Variants in PELO observed in about 807,000 individuals in gnomAD.
PELO encodes pelota mRNA surveillance and ribosome rescue factor.
In PELO, 19 loss-of-function variants were observed where a neutral mutation model predicts 25.9. The observed-to-expected ratio is 0.73, with a 90% confidence interval of 0.51 to 1.08. The LOEUF is 1.08. PELO is among the 50% of genes least tolerant of loss of function. The pLI is 0.00. For synonymous variants in PELO, 196 were observed against 192.2 expected (o/e 1.02, Z -0.16); for missense variants, 498 against 491.4 (o/e 1.01, Z -0.13).
chr5:52,795,321 A>G (rs769741226), intron 1 of PELO, among the ~76,000 whole-genome samples: 4 of 151,866 alleles, frequency 2.6e-5, no homozygotes, highest in Admixed American at 6.6e-5. Context: ...AAGGAATAAC[A>G]AAAAGATTAG....
At chr5:52,790,262 G>A (rs1748213001) in intron 1 of PELO, among the ~76,000 whole-genome samples, 1 of 152,080 alleles carries the variant, frequency 6.6e-6, no homozygotes. Context: ...AAAAATCTTT[G>A]GTGGTTCTTT....
At chr5:52,791,316 G>A (rs2111639941) in intron 1 of PELO, among the ~76,000 whole-genome samples, 1 of 152,268 alleles carries the variant, frequency 6.6e-6, no homozygotes, top group Admixed American at 6.6e-5. Flanking sequence ...GAAGCAAGGT[G>A]AGAAGAAAAA....
chr5:52,798,218 C>A (rs1748382835), intron 1 of PELO, among the ~76,000 whole-genome samples: 5 of 152,070 alleles, frequency 3.3e-5, no homozygotes, highest in Admixed American at 1.3e-4. Context: ...TGGAAGAAGG[C>A]AATGTGAATT....
At chr5:52,788,479 A>G (rs1580015700) in intron 1 of PELO, 65 bp downstream of exon 1, 1 of 1,313,740 alleles carries the variant, frequency 7.6e-7, no homozygotes, top group Middle Eastern at 1.9e-4. Flanking sequence ...GCGGGGAGGG[A>G]GGTCCTCAGA....
In PELO at chr5:52,802,899, T is replaced by C. The variant is rs1307462772; in HGVS notation, c.*1059T>C. The C allele has an allele frequency of 6.6e-6, 1 of 152,202 alleles. No homozygotes were observed. Among genetic ancestry groups the C allele is most frequent in the Non-Finnish European group, 1.5e-5 (1 of 68,034 alleles). The allele number at this position is 152,202 out of a possible 1,614,324, so 9.4% of individuals were successfully genotyped here. A position where few individuals can be genotyped will look rare whatever the true frequency, so the allele number is the denominator to read the frequency against. ...AAACTCTGATACTCTTTACTATAAT[T>C]ATGGAATTGTGCAAATACCTCTGAG... On this transcript the variant is annotated 3_prime_UTR_variant, in exon 3 of 3. Coordinates refer to ENST00000274311, the MANE Select transcript of PELO (RefSeq NM_015946.5).
chr5:52,793,672 C>T (rs768754424), intron 1 of PELO, among the ~76,000 whole-genome samples: 1 of 151,976 alleles, frequency 6.6e-6, no homozygotes, highest in African/African-American at 2.4e-5. Context: ...ATGTGAACCC[C>T]ATCTAGATAC....
chr5:52,792,483 A>C (rs1033411133), intron 1 of PELO, among the ~76,000 whole-genome samples: 6 of 152,146 alleles, frequency 3.9e-5, no homozygotes, highest in Non-Finnish European at 7.4e-5. Context: ...ATACTAGTTT[A>C]ACTATTTCTC....
chr5:52,801,427 C>A lies in PELO; in HGVS notation c.745C>A (p.His249Asn). 1 of 1,612,868 alleles carries A rather than the reference C, an allele frequency of 6.2e-7. No homozygotes were observed. The highest frequency in any genetic ancestry group is 1.1e-5 in the South Asian group (1 of 91,046). ...ATTCTAGGTACATGCCTCCTCCGGACACAAGTACTCCCTGAAAGAGGCCCT... is the reference window on the plus strand; with the variant it reads ...ATTCTAGGTACATGCCTCCTCCGGAAACAAGTACTCCCTGAAAGAGGCCCT... ...KFLQVHASSG[H>N]KYSLKEALCD... Residue 249 changes from histidine (H) to asparagine (N), a missense_variant, in exon 3 of 3, where the codon CAC becomes AAC. His to Asn is a moderately conservative substitution (Grantham distance 68). Coordinates refer to ENST00000274311, the MANE Select transcript of PELO (RefSeq NM_015946.5).
intron 1 of PELO, among the ~76,000 whole-genome samples, chr5:52,797,275 A>T (rs574300887): frequency 1.3e-5 from 2 of 152,082 alleles, no homozygotes; most frequent in African/African-American, 4.8e-5. Flanking sequence ...AGGCACACTG[A>T]TATTTTTTAA....
rs377445922 is a variant in PELO at position 52,795,669 on chromosome 5, T to A, written c.-510-4216T>A. 3.5e-4 allele frequency among the ~76,000 whole-genome samples: 53 copies of A among 152,062 alleles called. No individual in the cohort carries two copies. In the South Asian group the frequency reaches 0.01, roughly 29 times the overall value. ...TTATTTTTCCAAGGCTGAATAATTA[T>A]GATCATGTTAAAATGAGCTCTTGTC... On this transcript the variant is annotated intron_variant, in intron 1 of 2. Transcript: ENST00000274311.
Position 52,801,924 on chromosome 5 carries a change from C to A in PELO, c.*84C>A. The A allele has an allele frequency of 9.7e-7, 1 of 1,033,030 alleles. No homozygotes were observed. Among genetic ancestry groups the A allele is most frequent in the Non-Finnish European group, 1.4e-6 (1 of 722,880 alleles). 64.0% of individuals were successfully genotyped at this position (1,033,030 alleles called of 1,614,324 possible). A position where few individuals can be genotyped will look rare whatever the true frequency, so the allele number is the denominator to read the frequency against. On this transcript the variant is annotated 3_prime_UTR_variant, in exon 3 of 3. Transcript: ENST00000274311. ...TCAGCATCCTTGTGACAGAAAGCTG[C>A]AAGAATGGCACTTTTTGATTCATAC... is the stretch of plus-strand genomic sequence containing the variant.
intron 1 of PELO, 138 bp downstream of exon 1, chr5:52,788,552 C>G (rs1409975222): frequency 1.5e-6 from 1 of 646,666 alleles, no homozygotes; most frequent in Admixed American, 4.2e-5. Flanking sequence ...GTACTCAGGC[C>G]AGGCTACGGG....
At chr5:52,791,600 C>T (rs1748242349) in intron 1 of PELO, among the ~76,000 whole-genome samples, 1 of 152,162 alleles carries the variant, frequency 6.6e-6, no homozygotes, top group Non-Finnish European at 1.5e-5. Context: ...AACAGAATAG[C>T]TAGCACAACT....
At chr5:52,798,308 CAA>C (rs1748385544) in intron 1 of PELO, among the ~76,000 whole-genome samples, 1 of 152,014 alleles carries the variant, frequency 6.6e-6, no homozygotes, top group Non-Finnish European at 1.5e-5. Flanking sequence ...GAGCGAGAAA[CAA>C]AGAGAAAAGA....
In PELO at chr5:52,801,921, C is replaced by A; in HGVS notation, c.*81C>A. On this transcript the variant is annotated 3_prime_UTR_variant, in exon 3 of 3. Transcript: ENST00000274311. ...TTCTCAGCATCCTTGTGACAGAAAG[C>A]TGCAAGAATGGCACTTTTTGATTCA... The A allele has an allele frequency of 1.8e-6, 2 of 1,109,612 alleles. No individual in the cohort carries two copies. The highest frequency in any genetic ancestry group is 2.5e-6 in the Non-Finnish European group (2 of 790,848). 68.7% of individuals were successfully genotyped at this position (1,109,612 alleles called of 1,614,324 possible).
At chr5:52,792,473 A>G (rs970247667) in intron 1 of PELO, among the ~76,000 whole-genome samples, 1 of 152,176 alleles carries the variant, frequency 6.6e-6, no homozygotes, top group Admixed American at 6.5e-5. Flanking sequence ...TATATATGCT[A>G]TACTAGTTTA....
At chr5:52,789,734 T>C (rs953394271) in intron 1 of PELO, among the ~76,000 whole-genome samples, 1 of 152,230 alleles carries the variant, frequency 6.6e-6, no homozygotes, top group African/African-American at 2.4e-5. Context: ...TTTTTTTAGA[T>C]TGTATTTTGT....
rs1561212136 is a variant in PELO at position 52,801,388 on chromosome 5, CTT to C, written c.727-18_727-17del. On this transcript the variant is annotated intron_variant, in intron 2 of 2. Coordinates refer to ENST00000274311, the MANE Select transcript of PELO (RefSeq NM_015946.5). The stretch of plus-strand genomic sequence containing the variant: ...TGTTCTAGGAGATTATTTTGCCTAA[CTT>C]TTGTAATTGTGATTCTAGGTACATG... 6.3e-7 allele frequency: 1 copy of C among 1,592,296 alleles called. No individual in the cohort carries two copies. Among genetic ancestry groups the C allele is most frequent in the South Asian group, 1.1e-5 (1 of 89,578 alleles).
intron 1 of PELO, among the ~76,000 whole-genome samples, chr5:52,790,227 A>AT (rs1233964568): frequency 2.0e-5 from 3 of 151,988 alleles, no homozygotes; most frequent in Non-Finnish European, 4.4e-5. Context: ...CTAATACATC[A>AT]TTTTTACTAT....
Sources: allele counts gnomAD v4.1 joint callset (sites outside exome capture counted in the v4.1 genomes callset), GRCh38; gene constraint gnomAD v4.1.1; transcripts MANE v1.5; gene names NCBI Gene and HGNC (gene_info 2026-07-23, HGNC 2026-07-21).